ADORA2B: variants seen among roughly 807,000 people sequenced by gnomAD.
ADORA2B encodes the protein adenosine receptor A2b.
ADORA2B carries 18 observed loss-of-function variants against 20.8 expected under a neutral mutation model. The ratio of observed to expected loss-of-function variants is 0.87; its 90% CI spans 0.60 to 1.29. The LOEUF (loss-of-function observed/expected upper bound fraction) is 1.29. Among genes scored for constraint, ADORA2B ranks in the 50% most tolerant of loss-of-function variants. The pLI is 0.00. For synonymous variants in ADORA2B, 179 were observed against 178.3 expected (o/e 1.00, Z -0.03); for missense variants, 441 against 422.7 (o/e 1.04, Z -0.38).
chr17:15,903,584 C>T, the ADORA2B span, among the ~76,000 whole-genome samples: 3 of 152,192 alleles, frequency 2.0e-5, no homozygotes, highest in African/African-American at 7.2e-5. Context: ...AGCCTCCCAG[C>T]CCATCCCCAC....
chr17:15,942,687 C>G (rs942019633), upstream of ADORA2B, among the ~76,000 whole-genome samples: 1 of 152,212 alleles, frequency 6.6e-6, no homozygotes, highest in African/African-American at 2.4e-5. Flanking sequence ...CCTCCTCTCC[C>G]TCTGCAAAAT....
the ADORA2B span, among the ~76,000 whole-genome samples, chr17:15,892,634 TTTTC>T: frequency 2.7e-5 from 4 of 150,542 alleles, no homozygotes; most frequent in Non-Finnish European, 5.9e-5. Flanking sequence ...AGCTTTGCTT[TTTTC>T]TTTTTTTCTT....
At chr17:15,916,526 G>A in the ADORA2B span, among the ~76,000 whole-genome samples, 14 of 151,640 alleles carry the variant, frequency 9.2e-5, no homozygotes, top group South Asian at 2.1e-4. Flanking sequence ...GAGCAAGGAG[G>A]GGGGGTACAT....
chr17:15,947,671 G>T (rs542466209), intron 1 of ADORA2B, among the ~76,000 whole-genome samples: 1 of 152,346 alleles, frequency 6.6e-6, no homozygotes, highest in Admixed American at 6.5e-5. Flanking sequence ...ACCCTGGTGG[G>T]TGGGAGAGGT....
chr17:15,905,184 A>G, the ADORA2B span, among the ~76,000 whole-genome samples: 3 of 151,032 alleles, frequency 2.0e-5, no homozygotes, highest in African/African-American at 7.3e-5. Context: ...ATCTTCTTAT[A>G]TTTAGATATT....
the ADORA2B span, among the ~76,000 whole-genome samples, chr17:15,893,426 A>G: frequency 6.6e-6 from 1 of 152,190 alleles, no homozygotes; most frequent in Admixed American, 6.5e-5. Context: ...AAATGTTATC[A>G]TTCAGAGTGG....
the ADORA2B span, among the ~76,000 whole-genome samples, chr17:15,874,203 A>T: frequency 4.6e-5 from 7 of 151,764 alleles, no homozygotes; most frequent in African/African-American, 1.7e-4. Flanking sequence ...CATTATTCTA[A>T]ATGAAGTAAC....
the ADORA2B span, among the ~76,000 whole-genome samples, chr17:15,867,573 C>T: frequency 2.4e-4 from 35 of 147,460 alleles, no homozygotes; most frequent in African/African-American, 6.8e-4. Flanking sequence ...GGGAGGGAGG[C>T]GGGGGTCAGC....
chr17:15,871,212 CAG>C, the ADORA2B span, among the ~76,000 whole-genome samples: 1 of 152,138 alleles, frequency 6.6e-6, no homozygotes, highest in African/African-American at 2.4e-5. Flanking sequence ...AAATATCAAA[CAG>C]TGTAGAGACC....
At chr17:15,876,449 C>CTTTTTTTTTTTTTTTT in the ADORA2B span, among the ~76,000 whole-genome samples, 37 of 119,298 alleles carry the variant, frequency 3.1e-4, no homozygotes, top group Non-Finnish European at 4.4e-4. Context: ...TTTCTTTTTT[C>CTTTTTTTTTTTTTTTT]TTTTTTTTTT....
chr17:15,861,583 A>G, the ADORA2B span, among the ~76,000 whole-genome samples: 1 of 152,212 alleles, frequency 6.6e-6, no homozygotes, highest in Non-Finnish European at 1.5e-5. Context: ...GAGTCATCAG[A>G]AAACAGTGGC....
At chr17:15,923,657 C>T in the ADORA2B span, among the ~76,000 whole-genome samples, 6 of 151,994 alleles carry the variant, frequency 3.9e-5, no homozygotes, top group Admixed American at 1.3e-4. Flanking sequence ...CCACGCGCTT[C>T]GGCCTCCCAA....
At chr17:15,956,034 T>A (rs1283204394) in intron 1 of ADORA2B, among the ~76,000 whole-genome samples, 2 of 152,210 alleles carry the variant, frequency 1.3e-5, no homozygotes, top group African/African-American at 2.4e-5. Context: ...AATAGGCAGA[T>A]GGGGACGTCC....
At chr17:15,893,326 T>C in the ADORA2B span, among the ~76,000 whole-genome samples, 1 of 152,250 alleles carries the variant, frequency 6.6e-6, no homozygotes, top group Non-Finnish European at 1.5e-5. Context: ...TAATTTGCAA[T>C]GAGTAACTAC....
the ADORA2B span, among the ~76,000 whole-genome samples, chr17:15,902,023 A>T: frequency 6.6e-6 from 1 of 150,826 alleles, no homozygotes; most frequent in Non-Finnish European, 1.5e-5. Context: ...TTAAACATTA[A>T]CTCCCCATTC....
chr17:15,882,906 T>A, the ADORA2B span, among the ~76,000 whole-genome samples: 3 of 152,088 alleles, frequency 2.0e-5, no homozygotes, highest in Admixed American at 2.0e-4. Context: ...ACCAAAGCCA[T>A]CATGTCACCA....
the ADORA2B span, among the ~76,000 whole-genome samples, chr17:15,928,311 G>A: frequency 1.3e-5 from 2 of 152,098 alleles, no homozygotes; most frequent in Non-Finnish European, 2.9e-5. Context: ...GGAGATCATC[G>A]GAAAGGGATG....
chr17:15,867,794 A>G, the ADORA2B span, among the ~76,000 whole-genome samples: 4 of 137,502 alleles, frequency 2.9e-5, no homozygotes, highest in African/African-American at 8.2e-5. Flanking sequence ...CCGGGAGGTG[A>G]GGGGCGCCTC....
the ADORA2B span, among the ~76,000 whole-genome samples, chr17:15,937,815 C>T: frequency 6.6e-6 from 1 of 152,156 alleles, no homozygotes; most frequent in East Asian, 1.9e-4. Context: ...TCAGGTGATC[C>T]ACTCACCTCG....
Sources: allele counts gnomAD v4.1 joint callset (sites outside exome capture counted in the v4.1 genomes callset), GRCh38; gene constraint gnomAD v4.1.1; transcripts MANE v1.5; gene names NCBI Gene and HGNC (gene_info 2026-07-23, HGNC 2026-07-21).